The following TNFAIP3 variants were observed in gnomAD, a reference collection of about 807,000 sequenced individuals.
The protein encoded by TNFAIP3 is TNF alpha induced protein 3, also known as tumor necrosis factor alpha-induced protein 3.
In TNFAIP3, 9 loss-of-function variants were observed where a neutral mutation model predicts 72.4. The observed-to-expected ratio is 0.12, with a 90% CI of 0.07 to 0.22. The LOEUF is 0.22. Ranked by LOEUF, TNFAIP3 falls within the 10% of genes least tolerant of loss-of-function variation. The pLI is 1.00. For synonymous variants in TNFAIP3, 339 were observed against 372.6 expected, an observed-to-expected ratio of 0.91 and a Z score of 1.04; for missense variants, 833 against 1,018.7, an observed-to-expected ratio of 0.82 and a Z score of 2.48.
intron 4 of TNFAIP3, 73 bp downstream of exon 4, chr6:137,875,908 A>G: frequency 6.2e-7 from 1 of 1,603,016 alleles, no homozygotes; most frequent in Non-Finnish European, 8.5e-7. Flanking sequence ...GGAGAAAACC[A>G]CACTGCCAAA....
At position 137,876,036 on chromosome 6, in the gene TNFAIP3, C is replaced by G; in HGVS notation, c.675C>G (p.Ala225=). The G allele has an allele frequency of 6.2e-7, 1 of 1,613,914 alleles. No homozygotes were observed. The highest frequency in any genetic ancestry group is 8.5e-7 in the Non-Finnish European group (1 of 1,179,954). The change falls in exon 5 of 9, where the codon GCC becomes GCG. Residue 225 remains alanine (A), a synonymous_variant. Transcript: ENST00000612899. ...GTTTGGAATCAGGTTCCAATTTCGC[C>G]CCTTTGAAAGTGGGTGGAATTTACT... ...LRSLESGSNF[A]PLKVGGIYLP...
chr6:137,877,251 C>A lies in TNFAIP3; in HGVS notation c.981C>A (p.Ala327=). 6.2e-7 allele frequency: 1 copy of A among 1,605,228 alleles called. No individual in the cohort carries two copies. Among genetic ancestry groups the A allele is most frequent in the Non-Finnish European group, 8.5e-7 (1 of 1,176,186 alleles). ...ATGGCACAACTCATCTCATCAATGC[C>A]GCAAAGTAAGCAGTTTATGTTCAGC... is the stretch of plus-strand genomic sequence containing the variant. The part of the protein sequence containing the change: ...WDHGTTHLIN[A]AKLDEANLPK... The change falls in exon 6 of 9, where the codon GCC becomes GCA. Residue 327 remains alanine, a synonymous_variant. Transcript: ENST00000612899.
chr6:137,878,915 G>A lies in TNFAIP3; in HGVS notation c.1470G>A (p.Gln490=), dbSNP rs774874490. 1.2e-5 allele frequency: 20 copies of A among 1,614,070 alleles called. No homozygotes were observed. In the African/African-American group the frequency reaches 2.0e-4, roughly 16 times the overall value. Residue 490 remains glutamine, a synonymous_variant, in exon 7 of 9, where the codon CAG becomes CAA. Transcript: ENST00000612899. ...SPGCPFTLNV[Q]HNGFCERCHN... ...GCTGCCCCTTCACACTGAATGTGCA[G>A]CACAACGGATTTTGTGAACGTTGCC...
chr6:137,870,996 T>G (rs1408655721), intron 1 of TNFAIP3, among the ~76,000 whole-genome samples: 1 of 152,230 alleles, frequency 6.6e-6, no homozygotes, highest in Non-Finnish European at 1.5e-5. Context: ...TTCTCTTGTT[T>G]AGGCTAATCT....
intron 1 of TNFAIP3, among the ~76,000 whole-genome samples, chr6:137,869,376 TGGAC>T (rs71547071): frequency 0.24 from 33,302 of 141,204 alleles, 3,890 homozygotes; most frequent in Middle Eastern, 0.31. Context: ...GATGGATGGA[TGGAC>T]GGACGGACGG....
intron 2 of TNFAIP3, among the ~76,000 whole-genome samples, chr6:137,874,623 T>C (rs917796291): frequency 3.2e-4 from 49 of 152,320 alleles, no homozygotes; most frequent in Non-Finnish European, 6.2e-4. Context: ...TCCTTTGCAG[T>C]TGGTGTCATT....
chr6:137,879,267 A>C lies in TNFAIP3; in HGVS notation c.1822A>C (p.Arg608=). The change falls in exon 7 of 9, where the codon AGA becomes CGA. Residue 608 remains arginine, a synonymous_variant. Transcript: ENST00000612899. ...GGACAGGACGGGGACGAGCAAGTGC[A>C]GAAAAGCCGGCTGCGTGTATTTTGG... The part of the protein sequence containing the change: ...PGDRTGTSKC[R]KAGCVYFGTP... The C allele has an allele frequency of 6.2e-7, 1 of 1,614,230 alleles. No homozygotes were observed. The highest frequency in any genetic ancestry group is 8.5e-7 in the Non-Finnish European group (1 of 1,180,034).
chr6:137,869,380 CGG>C (rs1775972565), intron 1 of TNFAIP3, among the ~76,000 whole-genome samples: 1 of 108,008 alleles, frequency 9.3e-6, no homozygotes, highest in South Asian at 3.0e-4. Flanking sequence ...GATGGATGGA[CGG>C]ACGGACGGAC....
chr6:137,880,326 G>GT, intron 8 of TNFAIP3, 74 bp downstream of exon 8: 3 of 1,505,894 alleles, frequency 2.0e-6, no homozygotes, highest in Non-Finnish European at 2.7e-6. Context: ...TCTACCGACA[G>GT]TGACAAGCAG....
intron 5 of TNFAIP3, 98 bp downstream of exon 5, chr6:137,876,264 AT>A: frequency 1.0e-6 from 1 of 1,003,392 alleles, no homozygotes; most frequent in Non-Finnish European, 1.5e-6. Flanking sequence ...TAAGTATATT[AT>A]TTTTATTTAA....
In TNFAIP3 at chr6:137,871,631, G is replaced by A. The variant is rs565171647; in HGVS notation, c.295+109G>A. On this transcript the variant is annotated intron_variant, in intron 2 of 8. Transcript: ENST00000612899. The surrounding 1 kb of genome is among the most constrained non-coding windows in gnomAD (Gnocchi z 4.2). ...AAGCCCAAACTCAAATCAATCTTGA[G>A]ATTTAGTATTGAGACCTTTATATAG... 4.9e-5 allele frequency: 62 copies of A among 1,262,946 alleles called. No homozygotes were observed. The highest frequency in any genetic ancestry group is 6.5e-5 in the Non-Finnish European group (59 of 912,770). The allele number at this position is 1,262,946 out of a possible 1,614,324, so 78.2% of individuals were successfully genotyped here.
intron 7 of TNFAIP3, among the ~76,000 whole-genome samples, chr6:137,879,638 G>T (rs1341369284): frequency 1.3e-5 from 2 of 152,196 alleles, no homozygotes; most frequent in Non-Finnish European, 2.9e-5. Flanking sequence ...TTCAGGTCTG[G>T]CATATCTAAG....
At chr6:137,876,532 A>G (rs752666480) in intron 5 of TNFAIP3, among the ~76,000 whole-genome samples, 4 of 151,988 alleles carry the variant, frequency 2.6e-5, no homozygotes, top group Non-Finnish European at 5.9e-5. Flanking sequence ...TGCAGCCTCC[A>G]CCCCCTGGGC....
rs2114517667 is a variant in TNFAIP3 at position 137,881,227 on chromosome 6, C to T, written c.2281C>T (p.Arg761Cys). The T allele has an allele frequency of 1.9e-6, 3 of 1,607,980 alleles. No homozygotes were observed. The highest frequency in any genetic ancestry group is 2.5e-6 in the Non-Finnish European group (3 of 1,177,388). The change falls in exon 9 of 9, where the codon CGT becomes TGT. Residue 761 changes from arginine (R) to cysteine (C), a missense_variant. Around this residue, in one of 2 missense-constraint regions of TNFAIP3, gnomAD observed 587 missense variants for 657.8 expected, o/e 0.89. Transcript: ENST00000612899. The surrounding 1 kb of genome is among the most constrained non-coding windows in gnomAD (Gnocchi z 5.0). ...EPAPEDPPKQ[R>C]CRAPACDHFG... Reference sequence around the variant, plus strand: ...TGCCCCCGAAGACCCCCCCAAGCAGCGTTGCCGGGCCCCCGCCTGTGATCA... The same window carrying T: ...TGCCCCCGAAGACCCCCCCAAGCAGTGTTGCCGGGCCCCCGCCTGTGATCA...
chr6:137,868,725 T>G (rs662887), intron 1 of TNFAIP3, among the ~76,000 whole-genome samples: 1,523 of 151,948 alleles, frequency 0.01, 11 homozygotes, highest in Non-Finnish European at 0.016. Context: ...AAGGGTAATA[T>G]TGCATTGTTT....
intron 2 of TNFAIP3, among the ~76,000 whole-genome samples, chr6:137,872,525 A>C (rs1776095308): frequency 6.6e-6 from 1 of 152,216 alleles, no homozygotes; most frequent in Non-Finnish European, 1.5e-5. Flanking sequence ...AACTTCATTC[A>C]AAAGCCAAGT....
At position 137,878,534 on chromosome 6, in the gene TNFAIP3, G is replaced by A. The variant is rs201483159; in HGVS notation, c.1089G>A (p.Gly363=). 1,024 of 1,614,254 alleles carry A rather than the reference G, an allele frequency of 6.3e-4. 15 individuals carry two copies. The South Asian group carries it at 0.011, about 17-fold the overall frequency. Residue 363 remains glycine, a synonymous_variant, in exon 7 of 9, where the codon GGG becomes GGA. Transcript: ENST00000612899. ...YKKWQENSEQ[G]RREGHAQNPM... is the part of the protein sequence containing the mutation. ...AATGGCAGGAAAACAGCGAGCAGGG[G>A]AGGAGAGAGGGGCACGCCCAGAATC...
Position 137,879,165 on chromosome 6 carries a change from C to T in TNFAIP3, c.1720C>T (p.Pro574Ser). 1 of 1,614,154 alleles carries T rather than the reference C, an allele frequency of 6.2e-7. No individual in the cohort carries two copies. Among genetic ancestry groups the T allele is most frequent in the Non-Finnish European group, 8.5e-7 (1 of 1,180,030 alleles). ...AGATCCCTCGCGGCTCGTCCGGAGCCCCTCCCCGCATTCTTGCCACAGAGC... is the reference window on the plus strand; with the variant it reads ...AGATCCCTCGCGGCTCGTCCGGAGCTCCTCCCCGCATTCTTGCCACAGAGC... ...KSDPSRLVRS[P>S]SPHSCHRAGN... The change falls in exon 7 of 9, where the codon CCC (proline) becomes TCC (serine). Residue 574 changes from proline (P) to serine (S), a missense_variant. Coordinates refer to ENST00000612899, the MANE Select transcript of TNFAIP3 (RefSeq NM_001270508.2).
rs747150217 is a variant in TNFAIP3, at chr6:137,878,448, T to G, written c.1003T>G (p.Leu335Val). The G allele has an allele frequency of 1.9e-6, 3 of 1,606,428 alleles. No individual in the cohort carries two copies. Among genetic ancestry groups the G allele is most frequent in the Non-Finnish European group, 2.6e-6 (3 of 1,173,874 alleles). The change falls in exon 7 of 9, where the codon TTA becomes GTA. Residue 335 changes from leucine to valine, a missense_variant. Physicochemically the swap from Leu to Val is conservative, Grantham distance 32. Transcript: ENST00000612899. ...INAAKLDEAN[L>V]PKEINLVDDY... ...GGTCTTCAGGTTGGATGAAGCTAACTTACCAAAAGAAATCAATCTGGTAGA... is the reference window on the plus strand; with the variant it reads ...GGTCTTCAGGTTGGATGAAGCTAACGTACCAAAAGAAATCAATCTGGTAGA...
Sources: gnomAD v4.1 joint callset for allele counts (sites outside exome capture counted in the v4.1 genomes callset) on GRCh38, gnomAD v4.1.1 for gene constraint, gnomAD v4.1.1 regional missense constraint, Gnocchi (gnomAD v3.1) non-coding constraint, MANE v1.5 for transcripts, NCBI Gene and HGNC (gene_info 2026-07-23, HGNC 2026-07-21) for gene names.